Variants in MLIP observed in about 807,000 individuals in gnomAD.
MLIP encodes muscular LMNA interacting protein, also known as muscular LMNA-interacting protein.
A neutral mutation model predicts 84.8 loss-of-function variants in MLIP; 79 were observed. That is an observed-to-expected ratio of 0.93 (90% CI 0.78 to 1.12). The LOEUF is 1.12. Ranked by LOEUF, MLIP falls within the 50% of genes most tolerant of loss-of-function variation. The probability of loss-of-function intolerance (pLI) is 0.00; values close to 1 mark genes in which losing one functional copy is unlikely to be tolerated. For synonymous variants in MLIP, 504 were observed against 463.0 expected (o/e 1.09, Z -1.14); for missense variants, 1,257 against 1,160.6 (o/e 1.08, Z -1.21).
At chr6:54,027,085 T>A (rs1488464652) in intron 1 of MLIP, among the ~76,000 whole-genome samples, 1 of 152,202 alleles carries the variant, frequency 6.6e-6, no homozygotes, top group African/African-American at 2.4e-5. Flanking sequence ...ATATTATCAC[T>A]GATCAAATGT....
intron 9 of MLIP, among the ~76,000 whole-genome samples, chr6:54,184,354 C>A (rs372492270): frequency 1.3e-4 from 20 of 152,260 alleles, no homozygotes; most frequent in African/African-American, 4.8e-4. Context: ...AAAGAAAAGG[C>A]AACTGTTTAA....
intron 1 of MLIP, among the ~76,000 whole-genome samples, chr6:54,070,494 G>C (rs1262708984): frequency 3.9e-5 from 6 of 152,138 alleles, no homozygotes; most frequent in Non-Finnish European, 8.8e-5. Flanking sequence ...CCACGTCTCT[G>C]CTTTTGTTTC....
intron 11 of MLIP, among the ~76,000 whole-genome samples, chr6:54,227,342 G>A (rs1223686358): frequency 6.6e-6 from 1 of 152,084 alleles, no homozygotes; most frequent in Non-Finnish European, 1.5e-5. Context: ...AACCTCTCAA[G>A]CTGATGAGCA....
intron 1 of MLIP, among the ~76,000 whole-genome samples, chr6:54,078,537 T>C (rs571130192): frequency 3.9e-5 from 6 of 152,236 alleles, no homozygotes; most frequent in Admixed American, 1.3e-4. Flanking sequence ...TGAGCCATGA[T>C]TGTGCCACTG....
At chr6:54,098,129 G>T (rs576360688) in intron 1 of MLIP, among the ~76,000 whole-genome samples, 1 of 146,584 alleles carries the variant, frequency 6.8e-6, no homozygotes, top group African/African-American at 2.5e-5. Flanking sequence ...CGAATGTTAA[G>T]TCTTGGGGAT....
chr6:54,212,670 G>A (rs114168379), intron 11 of MLIP, among the ~76,000 whole-genome samples: 178 of 152,116 alleles, frequency 1.2e-3, no homozygotes, highest in Non-Finnish European at 2.1e-3. Context: ...TTCACTTCCT[G>A]TTTGTATTGA....
chr6:54,107,451 G>A (rs932381168), upstream of MLIP, among the ~76,000 whole-genome samples: 6 of 152,080 alleles, frequency 3.9e-5, no homozygotes, highest in Non-Finnish European at 4.4e-5. Context: ...CCTGTGAATC[G>A]GGTTAGTCCT....
Position 54,230,798 on chromosome 6 carries a change from C to A in MLIP, c.2803C>A (p.Pro935Thr). The change falls in exon 12 of 14, where the codon CCA becomes ACA. Residue 935 changes from proline (P) to threonine (T), a missense_variant. Pro to Thr is a conservative substitution (Grantham distance 38). Transcript: ENST00000502396. ...LYPPAKSLLHPQTLSHADCLA... is the reference protein window; with the variant it reads ...LYPPAKSLLHTQTLSHADCLA... ...TCCTCCTGCTAAGTCACTGCTGCAT[C>A]CACAGACCCTCTCACATGCTGACTG... 1.2e-6 allele frequency: 2 copies of A among 1,614,086 alleles called. No homozygotes were observed. Among genetic ancestry groups the A allele is most frequent in the Non-Finnish European group, 1.7e-6 (2 of 1,179,994 alleles).
upstream of MLIP, among the ~76,000 whole-genome samples, chr6:54,109,437 G>A (rs1213634478): frequency 1.3e-5 from 2 of 152,130 alleles, no homozygotes; most frequent in South Asian, 2.1e-4. Context: ...AGAGGACTGA[G>A]CCTTTAAAAA....
intron 12 of MLIP, among the ~76,000 whole-genome samples, chr6:54,243,757 G>T (rs150434117): frequency 1.3e-5 from 2 of 151,832 alleles, no homozygotes; most frequent in Admixed American, 1.3e-4. Flanking sequence ...ACCACCACCC[G>T]GGAATCACGC....
chr6:54,103,345 G>A (rs1282076579), intron 1 of MLIP, among the ~76,000 whole-genome samples: 1 of 152,108 alleles, frequency 6.6e-6, no homozygotes, highest in African/African-American at 2.4e-5. Flanking sequence ...TTATGTCTTG[G>A]TTTGCTCAAT....
intron 1 of MLIP, among the ~76,000 whole-genome samples, chr6:54,093,864 C>T (rs1768028793): frequency 6.6e-6 from 1 of 152,164 alleles, no homozygotes; most frequent in Admixed American, 6.6e-5. Context: ...GTGACAAAGA[C>T]GGTATGGCCC....
Position 54,138,232 on chromosome 6 carries a change from G to T in MLIP, c.2163G>T (p.Leu721=), listed in dbSNP as rs1771993189. 2.6e-6 allele frequency: 4 copies of T among 1,535,930 alleles called. No homozygotes were observed. The highest frequency in any genetic ancestry group is 3.5e-6 in the Non-Finnish European group (4 of 1,146,864). The change falls in exon 4 of 14, where the codon CTG becomes CTT. Residue 721 remains leucine, a synonymous_variant. Transcript: ENST00000502396. ...LPISLTRTEE[L]ISPCALSMST... is the part of the protein sequence containing the mutation. ...TATCTCTAACAAGGACAGAGGAGCTGATTTCACCTTGTGCATTGTCCATGT... is the reference window on the plus strand; with the variant it reads ...TATCTCTAACAAGGACAGAGGAGCTTATTTCACCTTGTGCATTGTCCATGT...
Position 54,136,708 on chromosome 6 carries a change from C to T in MLIP, c.646-7C>T. ...TATTTCAATCTGTCTATTTCTCTTT[C>T]CTCTAGTTAACTTCTTCTCCCACTA... On this transcript the variant is annotated splice_polypyrimidine_tract_variant and splice_region_variant and intron_variant, in intron 3 of 13. Coordinates refer to ENST00000502396, the MANE Select transcript of MLIP (RefSeq NM_001281747.2). 1.4e-6 allele frequency: 2 copies of T among 1,463,894 alleles called. No individual in the cohort carries two copies. Among genetic ancestry groups the T allele is most frequent in the Non-Finnish European group, 1.8e-6 (2 of 1,107,236 alleles). The allele number at this position is 1,463,894 out of a possible 1,614,324, so 90.7% of individuals were successfully genotyped here. A position where few individuals can be genotyped will look rare whatever the true frequency, so the allele number is the denominator to read the frequency against.
chr6:54,019,137 A>G (rs1306379515), intron 1 of MLIP: 3 of 1,589,058 alleles, frequency 1.9e-6, no homozygotes, highest in African/African-American at 2.7e-5. Context: ...TGAAATTGAC[A>G]GGGTAGTAGA....
At chr6:54,104,751 T>G (rs890231251) in intron 1 of MLIP, among the ~76,000 whole-genome samples, 1 of 152,098 alleles carries the variant, frequency 6.6e-6, no homozygotes, top group African/African-American at 2.4e-5. Flanking sequence ...TTTCTTACAT[T>G]CATCAAATAT....
chr6:54,228,455 C>T (rs1459505644), intron 11 of MLIP, among the ~76,000 whole-genome samples: 1 of 152,142 alleles, frequency 6.6e-6, no homozygotes, highest in Non-Finnish European at 1.5e-5. Flanking sequence ...TTTGCTCGTC[C>T]AAGTGCTGAT....
intron 11 of MLIP, chr6:54,216,879 G>A: frequency 1.0e-6 from 1 of 985,286 alleles, no homozygotes; most frequent in Non-Finnish European, 1.2e-6. Context: ...TTTTTGTGAT[G>A]CTGTCTGTAA....
chr6:54,061,731 T>C (rs1313558881), intron 1 of MLIP, among the ~76,000 whole-genome samples: 4 of 152,150 alleles, frequency 2.6e-5, no homozygotes, highest in Non-Finnish European at 5.9e-5. Flanking sequence ...AGAATTAGTG[T>C]AAACCATGAA....
Sources: allele counts gnomAD v4.1 joint callset (sites outside exome capture counted in the v4.1 genomes callset), GRCh38; gene constraint gnomAD v4.1.1; transcripts MANE v1.5; gene names NCBI Gene and HGNC (gene_info 2026-07-23, HGNC 2026-07-21).